Variants in MEP1A observed in about 807,000 individuals in gnomAD.
The protein encoded by MEP1A is meprin A subunit alpha.
MEP1A carries 68 observed loss-of-function variants against 84.5 expected under a neutral mutation model. That is an observed-to-expected ratio of 0.80 (90% confidence interval 0.66 to 0.98). The LOEUF (loss-of-function observed/expected upper bound fraction) is 0.98. Among genes scored for constraint, MEP1A ranks in the 50% least tolerant of loss-of-function variants. MEP1A has a pLI of 0.00. For missense variants in MEP1A, 887 were observed against 919.9 expected (o/e 0.96, Z 0.46); for synonymous variants, 337 against 336.8 (o/e 1.00, Z -0.01).
chr6:46,835,194 A>T, intron 12 of MEP1A, 55 bp from the exon 13 acceptor site: 4 of 1,441,834 alleles, frequency 2.8e-6, no homozygotes, highest in Non-Finnish European at 3.7e-6. Flanking sequence ...AGTGGGAGTT[A>T]ATTGTAGTCA....
chr6:46,833,417 C>T lies in MEP1A; in HGVS notation c.1488C>T (p.Ile496=), dbSNP rs753722998. 2 of 1,613,996 alleles carry T rather than the reference C, an allele frequency of 1.2e-6. No individual in the cohort carries two copies. Among genetic ancestry groups the T allele is most frequent in the Non-Finnish European group, 8.5e-7 (1 of 1,180,024 alleles). The change falls in exon 11 of 14, where the codon ATC becomes ATT. Residue 496 remains isoleucine (I), a synonymous_variant. Transcript: ENST00000230588. ...FHVCSGENDA[I]LEWPVENRQV... is the part of the protein sequence containing the mutation. ...TGTGCAGTGGGGAGAACGATGCTAT[C>T]CTGGAGTGGCCGGTAGAAAACAGAC...
At chr6:46,830,581 C>G (rs188280669) in intron 10 of MEP1A, among the ~76,000 whole-genome samples, 1 of 152,252 alleles carries the variant, frequency 6.6e-6, no homozygotes, top group Admixed American at 6.5e-5. Flanking sequence ...TGTTTATAAC[C>G]CTGGATCTTG....
chr6:46,811,190 G>A (rs962020408), intron 6 of MEP1A, among the ~76,000 whole-genome samples: 2 of 151,988 alleles, frequency 1.3e-5, no homozygotes, highest in Admixed American at 1.3e-4. Context: ...TCAGTCTTTG[G>A]TTAGGTATAT....
chr6:46,800,003 C>T (rs1767157699), intron 5 of MEP1A, among the ~76,000 whole-genome samples: 1 of 152,146 alleles, frequency 6.6e-6, no homozygotes, highest in Admixed American at 6.6e-5. Context: ...TCAGTATTTT[C>T]CATCCTCTTT....
intron 9 of MEP1A, among the ~76,000 whole-genome samples, chr6:46,828,499 G>C (rs1767998595): frequency 6.6e-6 from 1 of 152,096 alleles, no homozygotes; most frequent in Non-Finnish European, 1.5e-5. Context: ...GCACTATACT[G>C]TACACTCACT....
chr6:46,809,501 G>A lies in MEP1A; in HGVS notation c.344G>A (p.Gly115Glu). 1 of 1,609,572 alleles carries A rather than the reference G, an allele frequency of 6.2e-7. No homozygotes were observed. The highest frequency in any genetic ancestry group is 8.5e-7 in the Non-Finnish European group (1 of 1,177,250). The change falls in exon 6 of 14, where the codon GGA (glycine) becomes GAA (glutamate). Residue 115 changes from glycine to glutamate, a missense_variant. Coordinates refer to ENST00000230588, the MANE Select transcript of MEP1A (RefSeq NM_005588.3). ...TGTGTGGATTTCAAGCCCTATGAAG[G>A]AGAGAGCTCATATATCATATTTCAA... is the stretch of plus-strand genomic sequence containing the variant. ...KSCVDFKPYE[G>E]ESSYIIFQQF...
intron 6 of MEP1A, among the ~76,000 whole-genome samples, chr6:46,817,763 G>T (rs1463505656): frequency 6.6e-6 from 1 of 152,192 alleles, no homozygotes; most frequent in Non-Finnish European, 1.5e-5. Context: ...TGATTAAGGG[G>T]TAGGTCAGCT....
At chr6:46,811,252 C>T (rs1767491704) in intron 6 of MEP1A, among the ~76,000 whole-genome samples, 1 of 151,930 alleles carries the variant, frequency 6.6e-6, no homozygotes, top group African/African-American at 2.4e-5. Flanking sequence ...GGGTTGAGTT[C>T]TTGATTTGAT....
chr6:46,800,892 G>T lies in MEP1A; in HGVS notation c.262+1711G>T, dbSNP rs563306839. On this transcript the variant is annotated intron_variant, in intron 5 of 13. Coordinates refer to ENST00000230588, the MANE Select transcript of MEP1A (RefSeq NM_005588.3). ...ATTTACAACTGATTTACAGATAAAT[G>T]AACTCATATACCATAGTATTTGTTT... Among the ~76,000 whole-genome samples the T allele has an allele frequency of 2.6e-5, 4 of 152,148 alleles. No homozygotes were observed. In the South Asian group the frequency reaches 8.3e-4, roughly 32 times the overall value.
chr6:46,828,553 T>C (rs1047326167), intron 9 of MEP1A, among the ~76,000 whole-genome samples: 7 of 152,212 alleles, frequency 4.6e-5, no homozygotes, highest in African/African-American at 1.2e-4. Context: ...CATTTTGATA[T>C]GGAGTTGAGT....
intron 7 of MEP1A, among the ~76,000 whole-genome samples, chr6:46,823,043 T>G (rs377385800): frequency 6.6e-6 from 1 of 152,230 alleles, no homozygotes; most frequent in East Asian, 1.9e-4. Context: ...CCATTGTTTC[T>G]TTTAGACTTG....
At position 46,835,202 on chromosome 6, in the gene MEP1A, T is replaced by C. The variant is rs1768186808; in HGVS notation, c.1784-47T>C. 3 of 1,479,730 alleles carry C rather than the reference T, an allele frequency of 2.0e-6. No homozygotes were observed. In the East Asian group the frequency reaches 7.1e-5, roughly 35 times the overall value. The allele number at this position is 1,479,730 out of a possible 1,614,324, so 91.7% of individuals were successfully genotyped here. A position where few individuals can be genotyped will look rare whatever the true frequency, so the allele number is the denominator to read the frequency against. On this transcript the variant is annotated intron_variant, in intron 12 of 13. Transcript: ENST00000230588. ...CACCAGAAGTGGGAGTTAATTGTAG[T>C]CAGTTACTAATCCTGGATCTTCCTC... is the stretch of plus-strand genomic sequence containing the variant.
At chr6:46,797,828 TTCTTTCTTTC>T (rs1377535944) in intron 3 of MEP1A, among the ~76,000 whole-genome samples, 62 of 118,328 alleles carry the variant, frequency 5.2e-4, no homozygotes, top group African/African-American at 1.3e-3. Flanking sequence ...CTTTCTTTCT[TTCTTTCTTTC>T]TCTCTCTCTT....
intron 5 of MEP1A, among the ~76,000 whole-genome samples, chr6:46,806,369 C>A (rs1767318932): frequency 6.6e-6 from 1 of 152,096 alleles, no homozygotes; most frequent in Non-Finnish European, 1.5e-5. Flanking sequence ...TAAATTACTG[C>A]ATGATCATCT....
At chr6:46,841,080 C>T (rs1429715172), downstream of MEP1A, among the ~76,000 whole-genome samples, 1 of 152,158 alleles carries the variant, frequency 6.6e-6, no homozygotes, top group South Asian at 2.1e-4. Context: ...CAAGCCCAAA[C>T]CAATGACAAC....
rs150394813 is a variant in MEP1A at position 46,813,930 on chromosome 6, G to T, written c.380+4393G>T. On this transcript the variant is annotated intron_variant, in intron 6 of 13. Transcript: ENST00000230588. ...CTGCTGAGAAATCTGCTGTTAATCT[G>T]ATAGGTTTTCCTTTATGAGTTACCT... 2.7e-3 allele frequency among the ~76,000 whole-genome samples: 418 copies of T among 152,252 alleles called. 3 individuals are homozygous for T. The highest frequency in any genetic ancestry group is 9.8e-3 in the African/African-American group (408 of 41,552).
rs755758984 is a variant in MEP1A at position 46,834,806 on chromosome 6, A to G, written c.1783+55A>G. On this transcript the variant is annotated intron_variant, in intron 12 of 13. Transcript: ENST00000230588. ...ATCCTATGCTCTTGGCACTCTACTGATTTTATCCTGATTTTTAAAGCACAC... is the reference window on the plus strand; with the variant it reads ...ATCCTATGCTCTTGGCACTCTACTGGTTTTATCCTGATTTTTAAAGCACAC... 17 of 1,383,504 alleles carry G rather than the reference A, an allele frequency of 1.2e-5. No homozygotes were observed. The South Asian group carries it at 1.7e-4, about 14-fold the overall frequency. The allele number at this position is 1,383,504 out of a possible 1,614,324, so 85.7% of individuals were successfully genotyped here.
Position 46,818,341 on chromosome 6 carries a change from G to C in MEP1A, c.381-1188G>C, listed in dbSNP as rs577301049. On this transcript the variant is annotated intron_variant, in intron 6 of 13. Coordinates refer to ENST00000230588, the MANE Select transcript of MEP1A (RefSeq NM_005588.3). Reference sequence around the variant, plus strand: ...AGGTATACTGTGTCAGTAGTCTTGGGGAGAACATTGGCAGGTAAGACACTG... The same window carrying C: ...AGGTATACTGTGTCAGTAGTCTTGGCGAGAACATTGGCAGGTAAGACACTG... Among the ~76,000 whole-genome samples the C allele has an allele frequency of 5.9e-5, 9 of 152,216 alleles. No individual in the cohort carries two copies. The South Asian group carries it at 1.9e-3, about 32-fold the overall frequency.
intron 6 of MEP1A, among the ~76,000 whole-genome samples, chr6:46,814,535 T>C (rs911578024): frequency 6.6e-6 from 1 of 152,170 alleles, no homozygotes; most frequent in Admixed American, 6.5e-5. Context: ...ACCTTCAAAA[T>C]TCTTTTTCTG....
Sources: allele counts gnomAD v4.1 joint callset (sites outside exome capture counted in the v4.1 genomes callset), GRCh38; gene constraint gnomAD v4.1.1; transcripts MANE v1.5; gene names NCBI Gene and HGNC (gene_info 2026-07-23, HGNC 2026-07-21).